LRRC39: variants seen among roughly 807,000 people sequenced by gnomAD.
LRRC39 encodes leucine-rich repeat-containing protein 39.
A neutral mutation model predicts 39.7 loss-of-function variants in LRRC39; 35 were observed. The observed-to-expected ratio is 0.88, with a 90% CI of 0.67 to 1.17. LRRC39 has a LOEUF of 1.17. LRRC39 is among the 50% of genes most tolerant of loss of function. The probability of loss-of-function intolerance (pLI) is 0.00; values close to 1 mark genes in which losing one functional copy is unlikely to be tolerated. For missense variants in LRRC39, 357 were observed against 385.8 expected (o/e 0.93, Z 0.62); for synonymous variants, 113 against 134.1 (o/e 0.84, Z 1.09).
Position 100,148,779 on chromosome 1 carries a change from G to T in LRRC39, c.*263C>A, listed in dbSNP as rs1657632051. ...GTCTTTGGAAAATGTTTTGTTAACT[G>T]CTTTACCAAATCATTCTTCATCACC... On this transcript the variant is annotated 3_prime_UTR_variant, in exon 10 of 10. Coordinates refer to ENST00000370137, the MANE Select transcript of LRRC39 (RefSeq NM_144620.4). 6.5e-7 allele frequency: 1 copy of T among 1,540,022 alleles called. No homozygotes were observed. The highest frequency in any genetic ancestry group is 8.7e-7 in the Non-Finnish European group (1 of 1,146,842).
chr1:100,169,983 G>A lies in LRRC39; in HGVS notation c.-78-1389C>T, dbSNP rs180873100. The stretch of plus-strand genomic sequence containing the variant: ...CCATATCCCAGGGTGGTCATAATTT[G>A]TACTTCCCTGATGATTAAGTGTTCC... On this transcript the variant is annotated intron_variant, in intron 2 of 9. Transcript: ENST00000370137. 7.2e-4 allele frequency among the ~76,000 whole-genome samples: 109 copies of A among 152,178 alleles called. 1 individual carries two copies. The highest frequency in any genetic ancestry group is 2.6e-3 in the African/African-American group (106 of 41,528).
chr1:100,164,239 AT>A (rs1260284158), intron 3 of LRRC39, among the ~76,000 whole-genome samples: 1 of 151,998 alleles, frequency 6.6e-6, no homozygotes, highest in African/African-American at 2.4e-5. Context: ...TTTTTCTTTC[AT>A]TTTTTAGCTA....
chr1:100,155,906 G>A (rs1658412766), intron 7 of LRRC39, among the ~76,000 whole-genome samples: 1 of 152,244 alleles, frequency 6.6e-6, no homozygotes, highest in East Asian at 1.9e-4. Flanking sequence ...AGCCACTTTT[G>A]GCCAGGTGTG....
intron 1 of LRRC39, among the ~76,000 whole-genome samples, chr1:100,175,225 C>G (rs1659880216): frequency 6.6e-6 from 1 of 152,030 alleles, no homozygotes; most frequent in Admixed American, 6.6e-5. Context: ...TTGAGACAGG[C>G]TTACTCTGCC....
At position 100,160,475 on chromosome 1, in the gene LRRC39, C is replaced by G. The variant is rs776852505; in HGVS notation, c.210G>C (p.Glu70Asp). ...DGRVILKIEK[E>D]EWKTLPSSLL... is the part of the protein sequence containing the mutation. ...TTCTATAAAAGCTTACCTTCCATTC[C>G]TCTTTTTCTATCTTCAAAATGACTC... Residue 70 changes from glutamate to aspartate, a missense_variant, in exon 4 of 10, where the codon GAG (glutamate) becomes GAC (aspartate). By Grantham distance (45) the Glu-to-Asp change is conservative. Transcript: ENST00000370137. 1.7e-5 allele frequency: 28 copies of G among 1,612,426 alleles called. No individual in the cohort carries two copies. Among genetic ancestry groups the G allele is most frequent in the African/African-American group, 5.3e-5 (4 of 74,816 alleles).
At chr1:100,156,932 C>T (rs1658503533) in intron 6 of LRRC39, among the ~76,000 whole-genome samples, 1 of 151,982 alleles carries the variant, frequency 6.6e-6, no homozygotes. Flanking sequence ...CTGCAGTGAG[C>T]CAGAATCACA....
chr1:100,152,280 T>C, intron 9 of LRRC39, 105 bp downstream of exon 9: 10 of 1,166,568 alleles, frequency 8.6e-6, no homozygotes, highest in Non-Finnish European at 9.4e-6. Flanking sequence ...AAACTTAAGA[T>C]GGAATGAGAA....
intron 1 of LRRC39, among the ~76,000 whole-genome samples, chr1:100,175,194 G>A (rs1659876132): frequency 6.6e-6 from 1 of 151,926 alleles, no homozygotes; most frequent in African/African-American, 2.4e-5. Flanking sequence ...GTGGTTTTTT[G>A]TTTGTTTGTT....
At chr1:100,154,833 C>T (rs1462788820) in intron 8 of LRRC39, among the ~76,000 whole-genome samples, 1 of 152,136 alleles carries the variant, frequency 6.6e-6, no homozygotes. Flanking sequence ...CTGATAAATC[C>T]CAAACTGCTT....
intron 6 of LRRC39, 132 bp downstream of exon 6, chr1:100,158,099 G>T (rs759626648): frequency 3.0e-5 from 29 of 973,444 alleles, no homozygotes; most frequent in Non-Finnish European, 4.0e-5. Context: ...TTAAGGAAAT[G>T]GTTTTCTCTA....
rs1271835343 is a variant in LRRC39, at chr1:100,168,619, A to C, written c.-78-25T>G. The C allele has an allele frequency of 6.2e-6, 5 of 808,060 alleles. No homozygotes were observed. The East Asian group carries it at 1.3e-4, about 21-fold the overall frequency. The allele number at this position is 808,060 out of a possible 1,614,324, so 50.1% of individuals were successfully genotyped here. On this transcript the variant is annotated intron_variant, in intron 2 of 9. Transcript: ENST00000370137. ...CCTAAATGTACCAGAGAAAAAAAGC[A>C]ATGTTTCAGACTGTTCATTGAGTAC... is the stretch of plus-strand genomic sequence containing the variant.
At chr1:100,169,863 G>A (rs571064131) in intron 2 of LRRC39, among the ~76,000 whole-genome samples, 2 of 152,226 alleles carry the variant, frequency 1.3e-5, no homozygotes, top group African/African-American at 4.8e-5. Context: ...TTATAAGTCA[G>A]AGCCAAATTG....
At chr1:100,164,420 G>C (rs888372528) in intron 3 of LRRC39, among the ~76,000 whole-genome samples, 4 of 152,148 alleles carry the variant, frequency 2.6e-5, no homozygotes, top group Non-Finnish European at 5.9e-5. Flanking sequence ...GCTTGTTAGA[G>C]ATCCAGACTC....
chr1:100,159,764 T>G (rs1429250703), intron 4 of LRRC39, among the ~76,000 whole-genome samples: 1 of 152,016 alleles, frequency 6.6e-6, no homozygotes. Context: ...TTATTGAAAA[T>G]GAGACAATCC....
intron 3 of LRRC39, among the ~76,000 whole-genome samples, chr1:100,164,030 G>A (rs148205891): frequency 0.016 from 2,399 of 152,056 alleles, 57 homozygotes; most frequent in South Asian, 0.13. Flanking sequence ...CCAAGATTGC[G>A]CCAATACACT....
At chr1:100,161,699 T>G (rs906650335) in intron 3 of LRRC39, among the ~76,000 whole-genome samples, 1 of 152,126 alleles carries the variant, frequency 6.6e-6, no homozygotes, top group Non-Finnish European at 1.5e-5. Flanking sequence ...CAGGCAGGAG[T>G]GCAGTGGCAC....
chr1:100,165,122 C>T (rs1659154545), intron 3 of LRRC39, among the ~76,000 whole-genome samples: 1 of 152,042 alleles, frequency 6.6e-6, no homozygotes, highest in African/African-American at 2.4e-5. Flanking sequence ...TAATACTGTA[C>T]AATGATTTTA....
chr1:100,177,716 T>TAATTCATTTCCTCATTTGCC lies in LRRC39; in HGVS notation c.-119+399_-119+418dup, dbSNP rs540530595. ...CATGTAAAACAATTCATCCATTTGCTAATTCATTTCCTCATTTGCCATTAA... is the reference window on the plus strand; with the variant it reads ...CATGTAAAACAATTCATCCATTTGCTAATTCATTTCCTCATTTGCCAATTCATTTCCTCATTTGCCATTAA... On this transcript the variant is annotated intron_variant, in intron 1 of 9. Coordinates refer to ENST00000370137, the MANE Select transcript of LRRC39 (RefSeq NM_144620.4). Among the ~76,000 whole-genome samples the TAATTCATTTCCTCATTTGCC allele has an allele frequency of 3.1e-3, 478 of 152,342 alleles. 2 individuals are homozygous for TAATTCATTTCCTCATTTGCC. The highest frequency in any genetic ancestry group is 0.011 in the African/African-American group (443 of 41,580).
chr1:100,170,055 G>A (rs1659490177), intron 2 of LRRC39, among the ~76,000 whole-genome samples: 3 of 152,122 alleles, frequency 2.0e-5, no homozygotes, highest in South Asian at 4.1e-4. Flanking sequence ...ACAAAATCCT[G>A]AGTGTTGTTT....
Sources: allele counts gnomAD v4.1 joint callset (sites outside exome capture counted in the v4.1 genomes callset), GRCh38; gene constraint gnomAD v4.1.1; transcripts MANE v1.5; gene names NCBI Gene and HGNC (gene_info 2026-07-23, HGNC 2026-07-21).